The following FAM120A variants were observed in gnomAD, a reference collection of about 807,000 sequenced individuals.
The protein encoded by FAM120A is family with sequence similarity 120 member A.
Under a neutral mutation model 109.7 loss-of-function variants are expected in FAM120A, and 15 were observed. The observed-to-expected ratio is 0.14, with a 90% CI of 0.09 to 0.21. FAM120A has a LOEUF of 0.21. Among genes scored for constraint, FAM120A ranks in the 10% least tolerant of loss-of-function variants. FAM120A has a pLI of 1.00. For synonymous variants in FAM120A, 493 were observed against 572.8 expected (o/e 0.86, Z 1.99); for missense variants, 899 against 1,439.3 (o/e 0.62, Z 6.07).
intron 3 of FAM120A, among the ~76,000 whole-genome samples, chr9:93,487,291 A>C (rs572546056): frequency 8.5e-5 from 13 of 152,216 alleles, no homozygotes; most frequent in Admixed American, 2.6e-4. Context: ...CCTCCCGAGC[A>C]GCTGGGACTA....
chr9:93,474,996 AC>A (rs774074417), intron 2 of FAM120A, among the ~76,000 whole-genome samples: 1 of 152,194 alleles, frequency 6.6e-6, no homozygotes, highest in Non-Finnish European at 1.5e-5. Flanking sequence ...GCTCATTTGG[AC>A]ATCACGGGAG....
At chr9:93,477,570 G>A (rs1858600778) in intron 3 of FAM120A, among the ~76,000 whole-genome samples, 1 of 152,196 alleles carries the variant, frequency 6.6e-6, no homozygotes, top group Non-Finnish European at 1.5e-5. Context: ...ATGTGGATTG[G>A]GGAAATGCAG....
chr9:93,453,064 A>G (rs745569130), intron 1 of FAM120A: 38 of 1,096,712 alleles, frequency 3.5e-5, no homozygotes, highest in Non-Finnish European at 4.2e-5. Flanking sequence ...ACAGGATGGG[A>G]TTTTGTCAGT....
At chr9:93,549,983 T>C (rs555482744) in intron 11 of FAM120A, among the ~76,000 whole-genome samples, 3 of 152,296 alleles carry the variant, frequency 2.0e-5, no homozygotes, top group African/African-American at 7.2e-5. Flanking sequence ...GATTTGGAGA[T>C]TGATTGTCCT....
At position 93,468,714 on chromosome 9, in the gene FAM120A, C is replaced by T. The variant is rs372523951; in HGVS notation, c.475-2427C>T. On this transcript the variant is annotated intron_variant, in intron 1 of 17. Transcript: ENST00000277165. ...CCACAGTACAGCGTAGTGGCTGTGT[C>T]TATCTCCGTAATTTATTTTTTTCCC... Among the ~76,000 whole-genome samples the T allele has an allele frequency of 1.2e-4, 19 of 152,296 alleles. No individual in the cohort carries two copies. The East Asian group carries it at 1.9e-3, about 15-fold the overall frequency.
At position 93,500,523 on chromosome 9, in the gene FAM120A, C is replaced by T. The variant is rs533373341; in HGVS notation, c.1030+1637C>T. Among the ~76,000 whole-genome samples the T allele has an allele frequency of 1.3e-4, 20 of 152,310 alleles. 2 individuals carry two copies. Among genetic ancestry groups the T allele is most frequent in the African/African-American group, 2.6e-4 (11 of 41,566 alleles). On this transcript the variant is annotated intron_variant, in intron 5 of 17. Transcript: ENST00000277165. This position sits in a 1 kb window ranked among gnomAD's most constrained non-coding sequence, Gnocchi z 4.6. ...TTGTCACCACCACCACCCCTTCCCC[C>T]GTCACTCCCCACAATGTAAAGTCTA...
chr9:93,488,896 G>T (rs1294490759), intron 3 of FAM120A, among the ~76,000 whole-genome samples: 1 of 151,620 alleles, frequency 6.6e-6, no homozygotes, highest in Non-Finnish European at 1.5e-5. Flanking sequence ...TCTTCCACAT[G>T]GCTAACAAAA....
intron 3 of FAM120A, among the ~76,000 whole-genome samples, chr9:93,480,703 A>G (rs545334290): frequency 6.6e-6 from 1 of 152,120 alleles, no homozygotes; most frequent in South Asian, 2.1e-4. Context: ...AACTTTTTCC[A>G]ATGGCAATAT....
At chr9:93,499,824 G>T (rs10821142) in intron 5 of FAM120A, among the ~76,000 whole-genome samples, 42,561 of 152,154 alleles carry the variant, frequency 0.28, 7,044 homozygotes, top group East Asian at 0.44. Flanking sequence ...AGGAGACTTT[G>T]TATTTATTTG....
chr9:93,550,518 G>C lies in FAM120A; in HGVS notation c.2160-59G>C, dbSNP rs1378112446. On this transcript the variant is annotated intron_variant, in intron 11 of 17. Transcript: ENST00000277165. ...TTACCTAGAACCTCCCACTGGACTT[G>C]TCTATATGACGGGCGACCACTCAGT... The C allele has an allele frequency of 3.1e-6, 4 of 1,303,336 alleles. No homozygotes were observed. In the East Asian group the frequency reaches 9.2e-5, roughly 30 times the overall value. 80.7% of individuals were successfully genotyped at this position (1,303,336 alleles called of 1,614,324 possible). A position where few individuals can be genotyped will look rare whatever the true frequency, so the allele number is the denominator to read the frequency against.
chr9:93,557,185 A>G (rs1271645626), intron 13 of FAM120A, among the ~76,000 whole-genome samples: 1 of 140,332 alleles, frequency 7.1e-6, no homozygotes, highest in Non-Finnish European at 1.5e-5. Flanking sequence ...GCTGGAGTGC[A>G]GTGGTGCGGT....
intron 2 of FAM120A, among the ~76,000 whole-genome samples, chr9:93,472,964 C>G (rs990338695): frequency 3.9e-5 from 6 of 152,052 alleles, no homozygotes; most frequent in Admixed American, 1.3e-4. Flanking sequence ...AAACTGCCAG[C>G]CCATGGGCTG....
In FAM120A at chr9:93,486,906, C is replaced by T. The variant is rs568751293; in HGVS notation, c.805-10565C>T. ...GCACAGTTTACATTCCCCCCAGCAA[C>T]GTGTAAAGGTTCTGATTTCTCCACA... On this transcript the variant is annotated intron_variant, in intron 3 of 17. Transcript: ENST00000277165. Among the ~76,000 whole-genome samples the T allele has an allele frequency of 4.6e-5, 7 of 152,262 alleles. 1 individual carries two copies. The East Asian group carries it at 5.8e-4, about 13-fold the overall frequency.
At position 93,500,386 on chromosome 9, in the gene FAM120A, C is replaced by G. The variant is rs539890683; in HGVS notation, c.1030+1500C>G. Among the ~76,000 whole-genome samples, 9 of 152,310 alleles carry G rather than the reference C, an allele frequency of 5.9e-5. No homozygotes were observed. In the South Asian group the frequency reaches 1.9e-3, roughly 32 times the overall value. Reference sequence around the variant, plus strand: ...TGGGCCGGCTTTTGTGCCTGGAGGGCTCCTTTCTCTGACCAGCTTGTGTTT... The same window carrying G: ...TGGGCCGGCTTTTGTGCCTGGAGGGGTCCTTTCTCTGACCAGCTTGTGTTT... On this transcript the variant is annotated intron_variant, in intron 5 of 17. Transcript: ENST00000277165. The surrounding 1 kb of genome is among the most constrained non-coding windows in gnomAD (Gnocchi z 4.6).
chr9:93,485,578 A>T (rs1227837704), intron 3 of FAM120A, among the ~76,000 whole-genome samples: 1 of 152,080 alleles, frequency 6.6e-6, no homozygotes, highest in East Asian at 1.9e-4. Context: ...AGCTTGTGCG[A>T]CAGAGTAAGA....
intron 12 of FAM120A, among the ~76,000 whole-genome samples, chr9:93,551,335 T>A (rs1006940031): frequency 6.6e-6 from 1 of 152,212 alleles, no homozygotes; most frequent in African/African-American, 2.4e-5. Context: ...AGTGTGGATA[T>A]CTTTTTTGGT....
chr9:93,474,846 G>T (rs1248240683), intron 2 of FAM120A, among the ~76,000 whole-genome samples: 1 of 152,162 alleles, frequency 6.6e-6, no homozygotes, highest in Non-Finnish European at 1.5e-5. Flanking sequence ...GCCCACCTTG[G>T]CTTCCCAAAG....
Position 93,561,086 on chromosome 9 carries a change from C to CTTTT in FAM120A, c.2807-21_2807-18dup, listed in dbSNP as rs749271972. ...AATTCTGTGATTGTAAAGATTTTGT[C>CTTTT]TTTTTGTATATTTTTTATGCAGGAG... On this transcript the variant is annotated intron_variant, in intron 15 of 17. Transcript: ENST00000277165. 230 of 1,609,848 alleles carry CTTTT rather than the reference C, an allele frequency of 1.4e-4. 1 individual carries two copies. Among genetic ancestry groups the CTTTT allele is most frequent in the Non-Finnish European group, 1.5e-4 (182 of 1,178,182 alleles).
chr9:93,489,559 C>T (rs1350836748), intron 3 of FAM120A, among the ~76,000 whole-genome samples: 2 of 152,202 alleles, frequency 1.3e-5, no homozygotes, highest in African/African-American at 4.8e-5. Flanking sequence ...GGATGAAGAA[C>T]TTTTCTTTGT....
Sources: gnomAD v4.1 joint callset for allele counts (sites outside exome capture counted in the v4.1 genomes callset) on GRCh38, gnomAD v4.1.1 for gene constraint, Gnocchi (gnomAD v3.1) non-coding constraint, MANE v1.5 for transcripts, NCBI Gene and HGNC (gene_info 2026-07-23, HGNC 2026-07-21) for gene names.